CNTN4: variants seen among roughly 807,000 people sequenced by gnomAD.
CNTN4 encodes contactin 4.
A neutral mutation model predicts 122.5 loss-of-function variants in CNTN4; 77 were observed. The observed-to-expected ratio is 0.63, with a 90% CI of 0.52 to 0.76. The LOEUF (loss-of-function observed/expected upper bound fraction) is 0.76. Among genes scored for constraint, CNTN4 ranks in the 30% least tolerant of loss-of-function variants. CNTN4 has a pLI of 0.00. For synonymous variants in CNTN4, 512 were observed against 447.0 expected (o/e 1.15, Z -1.83); for missense variants, 1,256 against 1,259.1 (o/e 1.00, Z 0.04).
chr3:2,971,763 T>C (rs1692946610), intron 13 of CNTN4, among the ~76,000 whole-genome samples: 2 of 152,216 alleles, frequency 1.3e-5, no homozygotes, highest in Non-Finnish European at 2.9e-5. Context: ...ATTCTCTTTC[T>C]TGACAGGAAC....
intron 2 of CNTN4, among the ~76,000 whole-genome samples, chr3:2,270,783 G>T (rs1008088764): frequency 6.6e-6 from 1 of 152,136 alleles, no homozygotes; most frequent in African/African-American, 2.4e-5. Context: ...GGTCCTGAGA[G>T]GGGCAGGCCA....
At chr3:2,981,215 C>G (rs1318536187) in intron 13 of CNTN4, among the ~76,000 whole-genome samples, 1 of 152,162 alleles carries the variant, frequency 6.6e-6, no homozygotes, top group South Asian at 2.1e-4. Flanking sequence ...CAGGCCGAGG[C>G]AGGCAGATCA....
At chr3:2,249,615 C>G (rs1336255233) in intron 2 of CNTN4, among the ~76,000 whole-genome samples, 1 of 151,862 alleles carries the variant, frequency 6.6e-6, no homozygotes, top group Admixed American at 6.6e-5. Context: ...GTAGTTGAAA[C>G]AGCATAGGTT....
chr3:2,841,325 CT>C lies in CNTN4; in HGVS notation c.454+21745del. Among the ~76,000 whole-genome samples the C allele has an allele frequency of 6.6e-6, 1 of 152,236 alleles. No homozygotes were observed. Among genetic ancestry groups the C allele is most frequent in the East Asian group, 1.9e-4 (1 of 5,176 alleles). On this transcript the variant is annotated intron_variant, in intron 7 of 24. Transcript: ENST00000418658. This position sits in a 1 kb window ranked among gnomAD's most constrained non-coding sequence, Gnocchi z 4.8. ...TTACTACAACCCTAACTGAAATTGCCTCATACTGTGACATTATTATATCCTA... is the reference window on the plus strand; with the variant it reads ...TTACTACAACCCTAACTGAAATTGCCCATACTGTGACATTATTATATCCTA...
At position 2,913,581 on chromosome 3, in the gene CNTN4, A is replaced by T. The variant is rs58473482; in HGVS notation, c.1207+10576A>T. Among the ~76,000 whole-genome samples the T allele has an allele frequency of 6.1e-3, 933 of 152,344 alleles. 15 individuals carry two copies. The highest frequency in any genetic ancestry group is 0.022 in the African/African-American group (896 of 41,568). ...CAAGAGACAAAGAAAAACATTATAT[A>T]ATGATAAAAGGACTGATTCATCACA... On this transcript the variant is annotated intron_variant, in intron 12 of 24. Transcript: ENST00000418658.
chr3:3,053,677 C>T (rs1701494697), intron 23 of CNTN4, 130 bp from the exon 24 acceptor site: 2 of 856,728 alleles, frequency 2.3e-6, no homozygotes, highest in Admixed American at 1.9e-5. Context: ...CTTCCAAATG[C>T]AAGTGGGCAG....
At position 2,841,786 on chromosome 3, in the gene CNTN4, C is replaced by T. The variant is rs1004384240; in HGVS notation, c.454+22205C>T. Among the ~76,000 whole-genome samples, 1 of 151,836 alleles carries T rather than the reference C, an allele frequency of 6.6e-6. No individual in the cohort carries two copies. The highest frequency in any genetic ancestry group is 2.4e-5 in the African/African-American group (1 of 41,120). On this transcript the variant is annotated intron_variant, in intron 7 of 24. Coordinates refer to ENST00000418658, the MANE Select transcript of CNTN4 (RefSeq NM_175607.3). This position sits in a 1 kb window ranked among gnomAD's most constrained non-coding sequence, Gnocchi z 4.8. ...ATTTTCAGGAATTTTATTCTTCCTC[C>T]CTTGACCACAAATATTAAACGTTTC...
chr3:2,484,295 A>G (rs2076084982), intron 3 of CNTN4, among the ~76,000 whole-genome samples: 1 of 152,242 alleles, frequency 6.6e-6, no homozygotes, highest in Non-Finnish European at 1.5e-5. Flanking sequence ...TGGAACACAG[A>G]CAACCTGCTA....
intron 13 of CNTN4, among the ~76,000 whole-genome samples, chr3:2,966,904 G>T (rs980491042): frequency 1.8e-4 from 27 of 152,068 alleles, no homozygotes; most frequent in African/African-American, 6.3e-4. Flanking sequence ...ATTGACTGGT[G>T]GACTTTTAAA....
chr3:2,199,394 C>A (rs1483870901), intron 2 of CNTN4, among the ~76,000 whole-genome samples: 1 of 151,862 alleles, frequency 6.6e-6, no homozygotes, highest in Admixed American at 6.6e-5. Flanking sequence ...CTGCAGAGAT[C>A]CCTCCGTACC....
intron 6 of CNTN4, among the ~76,000 whole-genome samples, chr3:2,773,761 A>T (rs1415297376): frequency 3.4e-4 from 11 of 32,108 alleles, no homozygotes; most frequent in East Asian, 6.8e-4. Context: ...AATGTAGTAG[A>T]CTTTTTTTTT....
At chr3:2,509,205 C>T (rs939477195) in intron 3 of CNTN4, among the ~76,000 whole-genome samples, 1 of 152,180 alleles carries the variant, frequency 6.6e-6, no homozygotes, top group Non-Finnish European at 1.5e-5. Flanking sequence ...GACTGAGGTG[C>T]ACAATTGCTA....
At chr3:2,895,948 G>C (rs1306570003) in intron 10 of CNTN4, among the ~76,000 whole-genome samples, 1 of 152,110 alleles carries the variant, frequency 6.6e-6, no homozygotes, top group African/African-American at 2.4e-5. Context: ...CAGGAGAATG[G>C]CGTGAACCCA....
At chr3:2,556,684 ATG>A (rs1220304424) in intron 3 of CNTN4, among the ~76,000 whole-genome samples, 1 of 152,038 alleles carries the variant, frequency 6.6e-6, no homozygotes, top group Non-Finnish European at 1.5e-5. Flanking sequence ...CATTTTATAT[ATG>A]TGTGTGTATA....
At chr3:2,483,127 C>T (rs1186764838) in intron 3 of CNTN4, among the ~76,000 whole-genome samples, 1 of 152,186 alleles carries the variant, frequency 6.6e-6, no homozygotes, top group Non-Finnish European at 1.5e-5. Flanking sequence ...AGGGGTAGAG[C>T]TGCCCAAGGC....
chr3:2,111,048 C>G (rs2032913611), intron 2 of CNTN4, among the ~76,000 whole-genome samples: 1 of 152,058 alleles, frequency 6.6e-6, no homozygotes, highest in Admixed American at 6.6e-5. Context: ...AAGAGGTTTT[C>G]TTTTCTATTT....
Position 2,900,784 on chromosome 3 carries a change from A to C in CNTN4, c.1040A>C (p.Tyr347Ser). ...GCAAATGGAAGGCCTAAGCCTACAT[A>C]CAAGTGGCTAAAAAATGGCGAACCT... ...CKANGRPKPT[Y>S]KWLKNGEPLL... Residue 347 changes from tyrosine (Y) to serine (S), a missense_variant, in exon 11 of 25, where the codon TAC becomes TCC. By Grantham distance (144) the Tyr-to-Ser change is moderately radical. Coordinates refer to ENST00000418658, the MANE Select transcript of CNTN4 (RefSeq NM_175607.3). 1 of 1,614,012 alleles carries C rather than the reference A, an allele frequency of 6.2e-7. No individual in the cohort carries two copies. The highest frequency in any genetic ancestry group is 8.5e-7 in the Non-Finnish European group (1 of 1,179,836).
At chr3:2,577,661 T>C (rs893974280) in intron 4 of CNTN4, among the ~76,000 whole-genome samples, 1 of 152,192 alleles carries the variant, frequency 6.6e-6, no homozygotes, top group African/African-American at 2.4e-5. Context: ...GGAATTCTAT[T>C]CAACTAATAT....
At chr3:2,206,238 G>A (rs2038336759) in intron 2 of CNTN4, among the ~76,000 whole-genome samples, 1 of 152,026 alleles carries the variant, frequency 6.6e-6, no homozygotes, top group Non-Finnish European at 1.5e-5. Flanking sequence ...CAAAGTTAGG[G>A]TCAAAGCTAA....
Sources: gnomAD v4.1 joint callset for allele counts (sites outside exome capture counted in the v4.1 genomes callset) on GRCh38, gnomAD v4.1.1 for gene constraint, Gnocchi (gnomAD v3.1) non-coding constraint, MANE v1.5 for transcripts, NCBI Gene and HGNC (gene_info 2026-07-23, HGNC 2026-07-21) for gene names.